The following EVA1A variants were observed in gnomAD, a reference collection of about 807,000 sequenced individuals.
EVA1A encodes the protein eva-1 homolog A, regulator of programmed cell death.
In EVA1A, 7 loss-of-function variants were observed where a neutral mutation model predicts 9.8. That is an observed-to-expected ratio of 0.71 (90% confidence interval 0.41 to 1.34). The LOEUF (loss-of-function observed/expected upper bound fraction) is 1.34, where lower values mean the gene tolerates loss of function less well. Among genes scored for constraint, EVA1A ranks in the 40% most tolerant of loss-of-function variants. The pLI, the probability that EVA1A is intolerant of heterozygous loss-of-function variation, is 0.01. For missense variants in EVA1A, 206 were observed against 205.9 expected (o/e 1.00, Z 0.00); for synonymous variants, 90 against 85.6 (o/e 1.05, Z -0.28).
At chr2:75,563,861 T>G (rs567636452), upstream of EVA1A, among the ~76,000 whole-genome samples, 74 of 152,322 alleles carry the variant, frequency 4.9e-4, no homozygotes, top group African/African-American at 1.7e-3. Context: ...AGGTACCGTG[T>G]GTGGCTTGAC....
chr2:75,519,607 C>T lies in EVA1A; in HGVS notation c.-68-1399G>A, dbSNP rs75716674. Among the ~76,000 whole-genome samples the T allele has an allele frequency of 3.8e-3, 573 of 152,230 alleles. 36 individuals are homozygous for T. In the East Asian group the frequency reaches 0.09, roughly 24 times the overall value. ...GGCTGCTGTTAAGGGACCCTTGAGCCGCTGAGCCAGAACACAGCGCCTCTT... is the reference window on the plus strand; with the variant it reads ...GGCTGCTGTTAAGGGACCCTTGAGCTGCTGAGCCAGAACACAGCGCCTCTT... On this transcript the variant is annotated intron_variant, in intron 2 of 3. Transcript: ENST00000393913.
At chr2:75,508,318 A>G (rs921191587) in intron 3 of EVA1A, among the ~76,000 whole-genome samples, 5 of 152,202 alleles carry the variant, frequency 3.3e-5, no homozygotes, top group African/African-American at 1.2e-4. Context: ...TTCTTTCAAA[A>G]GCAAATGGGA....
At chr2:75,549,628 T>A (rs982537366) in intron 1 of EVA1A, among the ~76,000 whole-genome samples, 2 of 152,176 alleles carry the variant, frequency 1.3e-5, no homozygotes, top group Non-Finnish European at 2.9e-5. Flanking sequence ...CAGGGAACCT[T>A]CAAGCTGGAA....
At chr2:75,559,726 G>A (rs962994418) in intron 1 of EVA1A, among the ~76,000 whole-genome samples, 8 of 149,952 alleles carry the variant, frequency 5.3e-5, no homozygotes, top group African/African-American at 2.0e-4. Flanking sequence ...TTGGGGGGAC[G>A]GTTCTTGCTC....
intron 1 of EVA1A, among the ~76,000 whole-genome samples, chr2:75,559,705 G>GGA (rs1177474499): frequency 7.5e-6 from 1 of 133,570 alleles, no homozygotes; most frequent in African/African-American, 2.7e-5. Context: ...GGTGGGGGGG[G>GGA]GGCGGGGGAG....
intron 1 of EVA1A, among the ~76,000 whole-genome samples, chr2:75,543,746 G>A (rs1405737792): frequency 6.6e-5 from 10 of 152,056 alleles, no homozygotes; most frequent in African/African-American, 7.2e-5. Context: ...GACCTGCCCC[G>A]TGTCAATTCA....
At chr2:75,568,753 C>G (rs1485546597) in intron 1 of EVA1A, among the ~76,000 whole-genome samples, 1 of 152,172 alleles carries the variant, frequency 6.6e-6, no homozygotes, top group Non-Finnish European at 1.5e-5. Context: ...GAATAATGGC[C>G]TCCAGCTCCA....
chr2:75,510,250 G>A (rs1674762990), intron 3 of EVA1A, among the ~76,000 whole-genome samples: 1 of 152,054 alleles, frequency 6.6e-6, no homozygotes. Flanking sequence ...CTGTATGCAT[G>A]TTATACATCA....
At chr2:75,541,594 G>A (rs1367489642) in intron 1 of EVA1A, 1 of 152,582 alleles carries the variant, frequency 6.6e-6, no homozygotes, top group Non-Finnish European at 1.5e-5. Context: ...GAGTGGAGGA[G>A]GAAGCTAGAC....
chr2:75,507,699 A>C (rs1674666115), intron 3 of EVA1A, among the ~76,000 whole-genome samples: 1 of 152,156 alleles, frequency 6.6e-6, no homozygotes, highest in Admixed American at 6.5e-5. Context: ...CAGACAGCCC[A>C]AAACGGCCCT....
chr2:75,547,118 A>G (rs1676357923), intron 1 of EVA1A, among the ~76,000 whole-genome samples: 1 of 152,216 alleles, frequency 6.6e-6, no homozygotes, highest in African/African-American at 2.4e-5. Context: ...GGAAATGCAC[A>G]CAGGCTGGCA....
Position 75,493,365 on chromosome 2 carries a change from A to C in EVA1A, c.330T>G (p.Asn110Lys), listed in dbSNP as rs889487001. ...CCAGCTCCTCCGCAGAGGTGAACACATTCTTGTTCAAAGTCCTCTCGAAGC... is the reference window on the plus strand; with the variant it reads ...CCAGCTCCTCCGCAGAGGTGAACACCTTCTTGTTCAAAGTCCTCTCGAAGC... ...HRRFERTLNKNVFTSAEELER... is the reference protein window; with the variant it reads ...HRRFERTLNKKVFTSAEELER... Residue 110 changes from asparagine to lysine, a missense_variant, in exon 4 of 4, where the codon AAT (asparagine) becomes AAG (lysine). Transcript: ENST00000393913. 6.2e-7 allele frequency: 1 copy of C among 1,614,218 alleles called. No homozygotes were observed. Among genetic ancestry groups the C allele is most frequent in the Non-Finnish European group, 8.5e-7 (1 of 1,180,032 alleles).
chr2:75,493,213 G>T lies in EVA1A; in HGVS notation c.*23C>A. 3 of 1,588,686 alleles carry T rather than the reference G, an allele frequency of 1.9e-6. No individual in the cohort carries two copies. Among genetic ancestry groups the T allele is most frequent in the Non-Finnish European group, 2.6e-6 (3 of 1,166,562 alleles). The stretch of plus-strand genomic sequence containing the variant: ...CTCTCCTTTCCAGGCGGCCTCCAGT[G>T]GTTTCCGGGGTCCTGCTGCTCCCTA... On this transcript the variant is annotated 3_prime_UTR_variant, in exon 4 of 4. Transcript: ENST00000393913.
chr2:75,528,550 C>T (rs116329785), intron 1 of EVA1A, among the ~76,000 whole-genome samples: 1,723 of 152,274 alleles, frequency 0.011, 24 homozygotes, highest in African/African-American at 0.032. Flanking sequence ...CAGCCATAAT[C>T]CCCTTTGGAA....
In EVA1A at chr2:75,493,485, C is replaced by T; in HGVS notation, c.210G>A (p.Lys70=). The T allele has an allele frequency of 6.2e-7, 1 of 1,614,246 alleles. No homozygotes were observed. The highest frequency in any genetic ancestry group is 1.1e-5 in the South Asian group (1 of 91,090). ...TGCTGCTCTCTCTGTCCTGCAGGAA[C>T]TTCTTCCCGGGACGCCGCCTGCAGT... ...HTDCRRRPGK[K]FLQDRESSSD... is the part of the protein sequence containing the mutation. The change falls in exon 4 of 4, where the codon AAG becomes AAA. Residue 70 remains lysine (K), a synonymous_variant. Coordinates refer to ENST00000393913, the MANE Select transcript of EVA1A (RefSeq NM_001135032.2).
At chr2:75,495,255 C>A (rs1674169617) in intron 3 of EVA1A, among the ~76,000 whole-genome samples, 1 of 152,136 alleles carries the variant, frequency 6.6e-6, no homozygotes, top group Admixed American at 6.5e-5. Context: ...AAGCAATGGA[C>A]AGAAAATAAA....
intron 1 of EVA1A, among the ~76,000 whole-genome samples, chr2:75,555,302 T>TCTCTCTCC (rs1491379573): frequency 0.019 from 1,251 of 66,670 alleles, 25 homozygotes; most frequent in African/African-American, 0.11. Flanking sequence ...CAAAACTCAA[T>TCTCTCTCC]CTCTCTCTCT....
Position 75,505,463 on chromosome 2 carries a change from A to G in EVA1A, c.86-11854T>C, listed in dbSNP as rs572712848. On this transcript the variant is annotated intron_variant, in intron 3 of 3. Transcript: ENST00000393913. The stretch of plus-strand genomic sequence containing the variant: ...CTAAATTATGAAGACACCATTTCCA[A>G]AAGTTCAGCTAATAAATTTGTTATA... Among the ~76,000 whole-genome samples, 12 of 152,290 alleles carry G rather than the reference A, an allele frequency of 7.9e-5. No homozygotes were observed. The South Asian group carries it at 2.5e-3, about 32-fold the overall frequency.
intron 1 of EVA1A, among the ~76,000 whole-genome samples, chr2:75,541,417 G>C (rs1176517124): frequency 6.6e-6 from 1 of 152,156 alleles, no homozygotes; most frequent in Non-Finnish European, 1.5e-5. Flanking sequence ...AGTCCTGTGA[G>C]GTAAGACACA....
Sources: gnomAD v4.1 joint callset for allele counts (sites outside exome capture counted in the v4.1 genomes callset) on GRCh38, gnomAD v4.1.1 for gene constraint, MANE v1.5 for transcripts, NCBI Gene and HGNC (gene_info 2026-07-23, HGNC 2026-07-21) for gene names.